Variants in CECR2 observed in about 807,000 individuals in gnomAD.
CECR2 encodes the protein CECR2 histone acetyl-lysine reader.
A neutral mutation model predicts 154.5 loss-of-function variants in CECR2; 30 were observed. The observed-to-expected ratio is 0.19, with a 90% CI of 0.15 to 0.26. The LOEUF (loss-of-function observed/expected upper bound fraction) is 0.26. Among genes scored for constraint, CECR2 ranks in the 10% least tolerant of loss-of-function variants. The pLI, the probability that CECR2 is intolerant of heterozygous loss-of-function variation, is 1.00. For missense variants in CECR2, 1,743 were observed against 1,829.3 expected (o/e 0.95, Z 0.86); for synonymous variants, 725 against 683.7 (o/e 1.06, Z -0.94).
intron 2 of CECR2, among the ~76,000 whole-genome samples, chr22:17,494,741 C>A (rs2055591757): frequency 6.6e-6 from 1 of 152,196 alleles, no homozygotes. Flanking sequence ...GTTGCCCAGG[C>A]TACAGTGCAG....
intron 1 of CECR2, among the ~76,000 whole-genome samples, chr22:17,444,650 A>G (rs941278949): frequency 1.3e-5 from 2 of 152,156 alleles, no homozygotes; most frequent in African/African-American, 4.8e-5. Context: ...CACCATCAAG[A>G]TTTCTCATGG....
At chr22:17,391,403 G>T (rs1391940847) in intron 1 of CECR2, among the ~76,000 whole-genome samples, 2 of 152,226 alleles carry the variant, frequency 1.3e-5, no homozygotes, top group African/African-American at 4.8e-5. Flanking sequence ...GGCTACTAGT[G>T]AAGTAATTAC....
intron 1 of CECR2, among the ~76,000 whole-genome samples, chr22:17,375,459 G>T (rs994486376): frequency 1.3e-5 from 2 of 152,112 alleles, no homozygotes; most frequent in Non-Finnish European, 2.9e-5. Flanking sequence ...AGTGTACTAG[G>T]TGCCGATATG....
chr22:17,366,186 G>GT (rs1295482126), upstream of CECR2, among the ~76,000 whole-genome samples: 1 of 152,032 alleles, frequency 6.6e-6, no homozygotes, highest in South Asian at 2.1e-4. Context: ...TATGAGCTGT[G>GT]TTTTTTCTTT....
intron 1 of CECR2, among the ~76,000 whole-genome samples, chr22:17,466,629 C>G (rs1025722808): frequency 6.9e-5 from 10 of 144,380 alleles, no homozygotes; most frequent in African/African-American, 2.7e-4. Flanking sequence ...GAGTCTTGCT[C>G]TGTTGCTCAG....
At chr22:17,545,390 A>AAAAAAAAG (rs1569156195) in intron 16 of CECR2, among the ~76,000 whole-genome samples, 16 of 149,730 alleles carry the variant, frequency 1.1e-4, no homozygotes, top group African/African-American at 3.8e-4. Flanking sequence ...AAAAAAAAAA[A>AAAAAAAAG]AAAAAAAGAA....
intron 2 of CECR2, among the ~76,000 whole-genome samples, chr22:17,490,521 G>A (rs1275062238): frequency 7.2e-5 from 11 of 152,150 alleles, no homozygotes; most frequent in South Asian, 4.2e-4. Context: ...TGCAACCTCC[G>A]CCTCCTGAGT....
At chr22:17,508,046 C>T (rs1419737719) in intron 7 of CECR2, among the ~76,000 whole-genome samples, 1 of 152,148 alleles carries the variant, frequency 6.6e-6, no homozygotes, top group Admixed American at 6.5e-5. Context: ...GAACGCCATA[C>T]CTGATAAAAT....
chr22:17,549,598 GA>G lies in CECR2; in HGVS notation c.4277+35del, dbSNP rs1374427937. Reference sequence around the variant, plus strand: ...GCATTCAGGCTTTTCCCCCTAAAGAGAGAACAGATGTTTATTTTATGTATTT... The same window carrying G: ...GCATTCAGGCTTTTCCCCCTAAAGAGGAACAGATGTTTATTTTATGTATTT... On this transcript the variant is annotated intron_variant, in intron 17 of 18. Coordinates refer to ENST00000262608, the MANE Select transcript of CECR2 (RefSeq NM_001290047.2). 4.2e-6 allele frequency: 6 copies of G among 1,440,172 alleles called. No individual in the cohort carries two copies. The South Asian group carries it at 8.0e-5, about 19-fold the overall frequency. 89.2% of individuals were successfully genotyped at this position (1,440,172 alleles called of 1,614,324 possible). A position where few individuals can be genotyped will look rare whatever the true frequency, so the allele number is the denominator to read the frequency against.
intron 1 of CECR2, among the ~76,000 whole-genome samples, chr22:17,431,072 A>C (rs916578985): frequency 6.6e-6 from 1 of 152,202 alleles, no homozygotes; most frequent in Non-Finnish European, 1.5e-5. Context: ...AGTATTGATC[A>C]TAACCCTGTT....
chr22:17,432,990 C>T (rs2054449556), intron 1 of CECR2, among the ~76,000 whole-genome samples: 1 of 152,186 alleles, frequency 6.6e-6, no homozygotes, highest in Non-Finnish European at 1.5e-5. Context: ...TGGTGTTTTT[C>T]CTGGTACATT....
In CECR2 at chr22:17,540,665, G is replaced by A. The variant is rs757950677; in HGVS notation, c.1749G>A (p.Ala583=). The change falls in exon 14 of 19, where the codon GCG becomes GCA. Residue 583 remains alanine (A), a synonymous_variant. Coordinates refer to ENST00000262608, the MANE Select transcript of CECR2 (RefSeq NM_001290047.2). ...GGKSLPPTRR[A]PSSGDDQSSS... ...AGTCGTTGCCCCCCACACGCCGAGCGCCCTCTTCTGGGGACGATCAGAGCA... is the reference window on the plus strand; with the variant it reads ...AGTCGTTGCCCCCCACACGCCGAGCACCCTCTTCTGGGGACGATCAGAGCA... The A allele has an allele frequency of 1.3e-5, 21 of 1,613,850 alleles. No homozygotes were observed. The South Asian group carries it at 1.8e-4, about 14-fold the overall frequency.
At chr22:17,447,954 A>G (rs1046550102) in intron 1 of CECR2, among the ~76,000 whole-genome samples, 3 of 152,178 alleles carry the variant, frequency 2.0e-5, no homozygotes, top group African/African-American at 4.8e-5. Context: ...CAAATAGAGA[A>G]CAGGTACAGG....
chr22:17,495,690 G>A (rs1426753580), intron 2 of CECR2, among the ~76,000 whole-genome samples: 1 of 151,370 alleles, frequency 6.6e-6, no homozygotes, highest in African/African-American at 2.4e-5. Context: ...GTGAAACCCT[G>A]TCTCTACTAA....
Position 17,540,280 on chromosome 22 carries a change from G to A in CECR2, c.1496-132G>A. The stretch of plus-strand genomic sequence containing the variant: ...TGAATTAAACTCATAGATTACCCAG[G>A]TTGCATCTTCTATTTATTAGAATTG... On this transcript the variant is annotated intron_variant, in intron 13 of 18. Transcript: ENST00000262608. The A allele has an allele frequency of 3.8e-6, 3 of 784,900 alleles. No homozygotes were observed. In the South Asian group the frequency reaches 9.3e-5, roughly 24 times the overall value. 48.6% of individuals were successfully genotyped at this position (784,900 alleles called of 1,614,324 possible). A position where few individuals can be genotyped will look rare whatever the true frequency, so the allele number is the denominator to read the frequency against.
intron 1 of CECR2, among the ~76,000 whole-genome samples, chr22:17,470,263 C>T (rs552548935): frequency 2.6e-5 from 4 of 151,920 alleles, no homozygotes; most frequent in African/African-American, 9.7e-5. Flanking sequence ...CATGGTGAAA[C>T]CCCATCTCTA....
intron 1 of CECR2, among the ~76,000 whole-genome samples, chr22:17,385,208 T>G (rs1047914073): frequency 3.3e-5 from 5 of 152,360 alleles, no homozygotes; most frequent in African/African-American, 1.2e-4. Context: ...CTGTGTTCAC[T>G]GGAGCAGTGC....
chr22:17,419,136 C>T (rs77992734), intron 1 of CECR2: 3,129 of 154,132 alleles, frequency 0.02, 80 homozygotes, highest in East Asian at 0.082. Context: ...GTGGACAACT[C>T]GCCCACGCAT....
chr22:17,364,018 A>G (rs2062989119), intron 1 of CECR2, among the ~76,000 whole-genome samples: 1 of 151,994 alleles, frequency 6.6e-6, no homozygotes, highest in African/African-American at 2.4e-5. Flanking sequence ...TTAATGAGAA[A>G]AGCTGAGCTG....
Sources: allele counts gnomAD v4.1 joint callset (sites outside exome capture counted in the v4.1 genomes callset), GRCh38; gene constraint gnomAD v4.1.1; transcripts MANE v1.5; gene names NCBI Gene and HGNC (gene_info 2026-07-23, HGNC 2026-07-21).